Variants in CFAP36 observed in about 807,000 individuals in gnomAD.
CFAP36 encodes cilia and flagella associated protein 36.
CFAP36 carries 37 observed loss-of-function variants against 50.5 expected under a neutral mutation model. The ratio of observed to expected loss-of-function variants is 0.73; its 90% confidence interval spans 0.56 to 0.96. The LOEUF is 0.96. Ranked by LOEUF, CFAP36 falls within the 50% of genes least tolerant of loss-of-function variation. CFAP36 has a pLI of 0.00. For missense variants in CFAP36, 407 were observed against 396.2 expected (o/e 1.03, Z -0.23); for synonymous variants, 138 against 128.2 (o/e 1.08, Z -0.52).
intron 1 of CFAP36, 148 bp from the exon 2 acceptor site, chr2:55,521,954 T>C: frequency 2.0e-6 from 1 of 495,342 alleles, no homozygotes; most frequent in South Asian, 2.8e-5. Flanking sequence ...TTAGATATAT[T>C]CATTTATATA....
intron 1 of CFAP36, 28 bp downstream of exon 1, chr2:55,519,944 C>T (rs766469429): frequency 6.2e-7 from 1 of 1,600,894 alleles, no homozygotes; most frequent in South Asian, 1.1e-5. Context: ...AACCGACAAT[C>T]CTTTTCTCCT....
chr2:55,524,890 A>C (rs1330186894), intron 3 of CFAP36, among the ~76,000 whole-genome samples: 1 of 152,070 alleles, frequency 6.6e-6, no homozygotes, highest in Non-Finnish European at 1.5e-5. Flanking sequence ...CTGAGGCAGG[A>C]GAATCCCTTG....
rs570548162 is a variant in CFAP36, at chr2:55,520,379, G to GA, written c.115+466dup. The GA allele has an allele frequency of 4.4e-4, 669 of 1,523,748 alleles. 5 individuals carry two copies. In the African/African-American group the frequency reaches 8.0e-3, roughly 18 times the overall value. The allele number at this position is 1,523,748 out of a possible 1,614,324, so 94.4% of individuals were successfully genotyped here. A position where few individuals can be genotyped will look rare whatever the true frequency, so the allele number is the denominator to read the frequency against. ...CCGGTGTAGTCAGCTTAGGAAATGA[G>GA]AAATGATTTCACTCCAAACCAACAG... On this transcript the variant is annotated intron_variant, in intron 1 of 9. Coordinates refer to ENST00000349456, the MANE Select transcript of CFAP36 (RefSeq NM_080667.7).
intron 9 of CFAP36, among the ~76,000 whole-genome samples, 174 bp downstream of exon 9, chr2:55,544,543 G>T (rs1482018014): frequency 1.3e-5 from 2 of 152,120 alleles, no homozygotes; most frequent in East Asian, 3.9e-4. Flanking sequence ...TTGTGATAAG[G>T]ATTTTTTGAG....
At chr2:55,533,083 C>T (rs145985715) in intron 4 of CFAP36, among the ~76,000 whole-genome samples, 99 of 152,272 alleles carry the variant, frequency 6.5e-4, no homozygotes, top group African/African-American at 1.9e-3. Flanking sequence ...TAGTAAGCAG[C>T]GCCCTTTTCA....
intron 7 of CFAP36, chr2:55,539,370 G>A (rs936128824): frequency 3.3e-5 from 5 of 152,168 alleles, no homozygotes; most frequent in Non-Finnish European, 7.3e-5. Context: ...TCATACAGTA[G>A]TACGTAGCCT....
chr2:55,542,377 T>G (rs1684659546), intron 7 of CFAP36, among the ~76,000 whole-genome samples: 1 of 152,224 alleles, frequency 6.6e-6, no homozygotes, highest in Admixed American at 6.5e-5. Context: ...TCGTACAAAG[T>G]GATGGAAGCC....
chr2:55,536,111 G>T (rs1444281730), intron 6 of CFAP36, among the ~76,000 whole-genome samples: 1 of 149,524 alleles, frequency 6.7e-6, no homozygotes, highest in Non-Finnish European at 1.5e-5. Flanking sequence ...CTTTATTTTT[G>T]TCCTGGTAAC....
At chr2:55,523,918 A>G (rs1684135087) in intron 3 of CFAP36, 96 bp downstream of exon 3, 1 of 757,012 alleles carries the variant, frequency 1.3e-6, no homozygotes. Flanking sequence ...ACAAAGTGTA[A>G]TATTTTAGAC....
intron 1 of CFAP36, 115 bp downstream of exon 1, chr2:55,520,031 T>G: frequency 1.1e-6 from 1 of 893,724 alleles, no homozygotes; most frequent in Non-Finnish European, 1.8e-6. Context: ...TCTCCACCCC[T>G]GTCGCAAGGT....
chr2:55,520,744 G>C (rs1252264969), intron 1 of CFAP36, among the ~76,000 whole-genome samples: 2 of 152,180 alleles, frequency 1.3e-5, no homozygotes, highest in Non-Finnish European at 2.9e-5. Context: ...AAGACTTTGA[G>C]GGTAGTAGTA....
chr2:55,530,020 C>T (rs751740151), intron 4 of CFAP36, among the ~76,000 whole-genome samples: 8 of 152,170 alleles, frequency 5.3e-5, no homozygotes, highest in Admixed American at 2.6e-4. Context: ...TCTGGGGTAC[C>T]GATAATTTGC....
intron 3 of CFAP36, among the ~76,000 whole-genome samples, chr2:55,524,597 A>G (rs2103635158): frequency 6.6e-6 from 1 of 152,040 alleles, no homozygotes; most frequent in Non-Finnish European, 1.5e-5. Flanking sequence ...GGCTTGTGCT[A>G]ATTGATATTT....
intron 6 of CFAP36, among the ~76,000 whole-genome samples, chr2:55,536,533 C>G (rs1233045667): frequency 3.3e-5 from 5 of 152,154 alleles, no homozygotes; most frequent in Middle Eastern, 3.4e-3. Context: ...TCACTGCAAC[C>G]TCTGCTTCCC....
Position 55,537,553 on chromosome 2 carries a change from G to A in CFAP36, c.608G>A (p.Gly203Glu), listed in dbSNP as rs756193053. 1.2e-6 allele frequency: 2 copies of A among 1,613,430 alleles called. No individual in the cohort carries two copies. The highest frequency in any genetic ancestry group is 1.1e-5 in the South Asian group (1 of 90,936). ...GCTGCAATAATGAATAATTCCCAAG[G>A]GGATGGTGAACATTTTGCACACCCA... ...SEAAIMNNSQ[G>E]DGEHFAHPPS... The change falls in exon 7 of 10, where the codon GGG becomes GAG. Residue 203 changes from glycine (G) to glutamate (E), a missense_variant. By Grantham distance (98) the Gly-to-Glu change is moderately conservative. Transcript: ENST00000349456.
At chr2:55,544,782 GTC>G (rs1332038549) in intron 9 of CFAP36, 123 bp from the exon 10 acceptor site, 8 of 636,454 alleles carry the variant, frequency 1.3e-5, no homozygotes, top group Admixed American at 3.1e-5. Flanking sequence ...CCTAGTCTAT[GTC>G]TGTCTCTCCC....
At chr2:55,537,683 C>A in intron 7 of CFAP36, 98 bp downstream of exon 7, 1 of 801,790 alleles carries the variant, frequency 1.2e-6, no homozygotes, top group East Asian at 2.8e-5. Flanking sequence ...TTCAAAAGCC[C>A]TGGGAGGGAG....
chr2:55,540,858 C>CA (rs1171181984), intron 7 of CFAP36, among the ~76,000 whole-genome samples: 1 of 151,386 alleles, frequency 6.6e-6, no homozygotes, highest in Admixed American at 6.6e-5. Context: ...AAAAAAAATA[C>CA]AAAAATTAGC....
chr2:55,532,846 G>T (rs1345930692), intron 4 of CFAP36, among the ~76,000 whole-genome samples: 3 of 152,266 alleles, frequency 2.0e-5, no homozygotes, highest in African/African-American at 7.2e-5. Flanking sequence ...AATTACAGAT[G>T]CAAACAGAAC....
Sources: allele counts gnomAD v4.1 joint callset (sites outside exome capture counted in the v4.1 genomes callset), GRCh38; gene constraint gnomAD v4.1.1; transcripts MANE v1.5; gene names NCBI Gene and HGNC (gene_info 2026-07-23, HGNC 2026-07-21).